Variants in OSCP1 observed in about 807,000 individuals in gnomAD.
OSCP1 encodes the protein protein OSCP1.
In OSCP1, 35 loss-of-function variants were observed where a neutral mutation model predicts 45.1. The ratio of observed to expected loss-of-function variants is 0.78; its 90% CI spans 0.59 to 1.03. OSCP1 has a LOEUF of 1.03. Among genes scored for constraint, OSCP1 ranks in the 50% least tolerant of loss-of-function variants. The pLI is 0.00. For synonymous variants in OSCP1, 179 were observed against 180.1 expected (o/e 0.99, Z 0.05); for missense variants, 400 against 470.7 (o/e 0.85, Z 1.39).
Position 36,432,462 on chromosome 1 carries a change from A to C in OSCP1, c.395T>G (p.Ile132Ser). 6.2e-7 allele frequency: 1 copy of C among 1,614,146 alleles called. No individual in the cohort carries two copies. The highest frequency in any genetic ancestry group is 8.5e-7 in the Non-Finnish European group (1 of 1,180,020). Residue 132 changes from isoleucine (I) to serine (S), a missense_variant, in exon 3 of 10, where the codon ATC (isoleucine) becomes AGC (serine). Coordinates refer to ENST00000235532, the MANE Select transcript of OSCP1 (RefSeq NM_145047.5). ...CAAAGTCTCGTCCACTTGCTGCAGG[A>C]TGGTTGGGGAGTCTCGGATGAATCC... The part of the protein sequence containing the change: ...IKGFIRDSPT[I>S]LQQVDETLRQ...
At chr1:36,433,241 G>C (rs1008251694) in intron 2 of OSCP1, among the ~76,000 whole-genome samples, 2 of 152,232 alleles carry the variant, frequency 1.3e-5, no homozygotes, top group Admixed American at 1.3e-4. Flanking sequence ...GGCAGGCTTT[G>C]TGGTACAAGT....
At position 36,439,000 on chromosome 1, in the gene OSCP1, G is replaced by A. The variant is rs184079539; in HGVS notation, c.113-90C>T. 4.3e-4 allele frequency: 615 copies of A among 1,417,544 alleles called. 1 individual carries two copies. In the African/African-American group the frequency reaches 7.5e-3, roughly 17 times the overall value. The allele number at this position is 1,417,544 out of a possible 1,614,324, so 87.8% of individuals were successfully genotyped here. A position where few individuals can be genotyped will look rare whatever the true frequency, so the allele number is the denominator to read the frequency against. On this transcript the variant is annotated intron_variant, in intron 1 of 9. Coordinates refer to ENST00000235532, the MANE Select transcript of OSCP1 (RefSeq NM_145047.5). ...TTGTGTGCAGGTACAGGAGCTGAGC[G>A]TGTACAGTACAGAATTGGGATGCTG...
intron 1 of OSCP1, chr1:36,440,884 G>A (rs550684907): frequency 6.6e-6 from 1 of 152,308 alleles, no homozygotes; most frequent in Non-Finnish European, 1.5e-5. Flanking sequence ...CTCTGGTTAG[G>A]TTAATGCTTA....
intron 6 of OSCP1, 90 bp from the exon 7 acceptor site, chr1:36,422,309 T>C: frequency 1.6e-6 from 2 of 1,223,920 alleles, no homozygotes; most frequent in Non-Finnish European, 2.4e-6. Context: ...GCTTTTATTC[T>C]GAGACATTAA....
Position 36,420,579 on chromosome 1 carries a change from G to T in OSCP1, c.856C>A (p.Leu286Met), listed in dbSNP as rs750501736. 1.2e-5 allele frequency: 20 copies of T among 1,614,012 alleles called. No individual in the cohort carries two copies. Among genetic ancestry groups the T allele is most frequent in the Admixed American group, 1.7e-5 (1 of 59,988 alleles). The change falls in exon 8 of 10, where the codon CTG becomes ATG. Residue 286 changes from leucine to methionine, a missense_variant. Transcript: ENST00000235532. Reference sequence around the variant, plus strand: ...CCCATCAGCCTGGCCAAGAAATTCAGCTCTTCTTTAGCAAGAGGGTTTGGA... The same window carrying T: ...CCCATCAGCCTGGCCAAGAAATTCATCTCTTCTTTAGCAAGAGGGTTTGGA... Reference protein sequence around the residue: ...IAPNPLAKEELNFLARLMGGM... With the variant: ...IAPNPLAKEEMNFLARLMGGM...
chr1:36,428,402 T>A, intron 4 of OSCP1: 1 of 1,614,154 alleles, frequency 6.2e-7, no homozygotes, highest in South Asian at 1.1e-5. Context: ...GTCCTCCATA[T>A]AGTTCCCCAC....
chr1:36,421,367 G>A (rs570306491), intron 7 of OSCP1, among the ~76,000 whole-genome samples: 4 of 152,150 alleles, frequency 2.6e-5, no homozygotes, highest in African/African-American at 7.2e-5. Context: ...ACCTTGGTCC[G>A]TGTGCCCATT....
chr1:36,450,189 G>A, intron 1 of OSCP1, 69 bp downstream of exon 1: 2 of 1,301,004 alleles, frequency 1.5e-6, no homozygotes, highest in South Asian at 1.2e-5. Context: ...GGCTGTGGGT[G>A]TTAGGGCGAT....
chr1:36,434,868 C>T (rs1484644427), intron 2 of OSCP1, among the ~76,000 whole-genome samples: 1 of 151,730 alleles, frequency 6.6e-6, no homozygotes, highest in Non-Finnish European at 1.5e-5. Flanking sequence ...GAGACTCTGC[C>T]ATCATTGTCA....
intron 4 of OSCP1, among the ~76,000 whole-genome samples, chr1:36,429,244 A>C (rs139076055): frequency 0.1 from 15,540 of 152,114 alleles, 941 homozygotes; most frequent in East Asian, 0.29. Flanking sequence ...AAAATTAGCC[A>C]GGCGTGGTGG....
intron 8 of OSCP1, chr1:36,419,412 G>A (rs1172686550): frequency 1.3e-5 from 3 of 229,726 alleles, no homozygotes; most frequent in South Asian, 9.5e-5. Context: ...ATCTGTACAC[G>A]TTCACTCTCC....
At chr1:36,418,911 A>G in intron 9 of OSCP1, 80 bp downstream of exon 9, 3 of 1,201,272 alleles carry the variant, frequency 2.5e-6, no homozygotes, top group Non-Finnish European at 3.7e-6. Flanking sequence ...TGGGTGACAG[A>G]GCGAGACCCT....
chr1:36,441,630 C>T (rs1445940730), intron 1 of OSCP1, among the ~76,000 whole-genome samples: 2 of 150,662 alleles, frequency 1.3e-5, no homozygotes, highest in Non-Finnish European at 3.0e-5. Flanking sequence ...CGGGCGCCTG[C>T]AGTCCCAGCT....
In OSCP1 at chr1:36,422,656, C is replaced by T. The variant is rs894341173; in HGVS notation, c.749+112G>A. The T allele has an allele frequency of 4.4e-6, 5 of 1,128,264 alleles. No homozygotes were observed. In the African/African-American group the frequency reaches 7.9e-5, roughly 18 times the overall value. The allele number at this position is 1,128,264 out of a possible 1,614,324, so 69.9% of individuals were successfully genotyped here. On this transcript the variant is annotated intron_variant, in intron 6 of 9. Coordinates refer to ENST00000235532, the MANE Select transcript of OSCP1 (RefSeq NM_145047.5). ...GCAGTGTACCTAAGGGGAAATTACT[C>T]CTATTGTCGGCAGGGATTTTCATAG...
intron 2 of OSCP1, among the ~76,000 whole-genome samples, chr1:36,437,197 A>G (rs1557561386): frequency 6.6e-6 from 1 of 152,058 alleles, no homozygotes; most frequent in Non-Finnish European, 1.5e-5. Context: ...CCCTGAGGGC[A>G]GAGTATCTAC....
chr1:36,435,640 T>G (rs564839551), intron 2 of OSCP1, among the ~76,000 whole-genome samples: 45 of 152,184 alleles, frequency 3.0e-4, no homozygotes, highest in African/African-American at 1.0e-3. Flanking sequence ...AACTTTTTTT[T>G]TTTTGTTTTG....
At chr1:36,448,758 T>C (rs1311697562) in intron 1 of OSCP1, among the ~76,000 whole-genome samples, 3 of 152,212 alleles carry the variant, frequency 2.0e-5, no homozygotes, top group African/African-American at 4.8e-5. Flanking sequence ...CGGAGATCTA[T>C]GAGCAGTTTG....
At chr1:36,439,773 T>C (rs1479860239) in intron 1 of OSCP1, among the ~76,000 whole-genome samples, 1 of 152,264 alleles carries the variant, frequency 6.6e-6, no homozygotes, top group Non-Finnish European at 1.5e-5. Context: ...TGTAGTGCTA[T>C]ATCTCACACT....
At chr1:36,420,000 G>C (rs1647514443) in intron 8 of OSCP1, among the ~76,000 whole-genome samples, 1 of 147,464 alleles carries the variant, frequency 6.8e-6, no homozygotes, top group African/African-American at 2.5e-5. Context: ...TTTTGAGACA[G>C]AGTCTTGCTG....
Sources: allele counts gnomAD v4.1 joint callset (sites outside exome capture counted in the v4.1 genomes callset), GRCh38; gene constraint gnomAD v4.1.1; transcripts MANE v1.5; gene names NCBI Gene and HGNC (gene_info 2026-07-23, HGNC 2026-07-21).